Variants in CHN2 observed in about 807,000 individuals in gnomAD.
CHN2 encodes the protein chimerin 2.
In CHN2, 35 loss-of-function variants were observed where a neutral mutation model predicts 56.3. That is an observed-to-expected ratio of 0.62 (90% CI 0.47 to 0.82). The LOEUF (loss-of-function observed/expected upper bound fraction) is 0.82, where lower values mean the gene tolerates loss of function less well. Ranked by LOEUF, CHN2 falls within the 40% of genes least tolerant of loss-of-function variation. The pLI, the probability that CHN2 is intolerant of heterozygous loss-of-function variation, is 0.00. For missense variants in CHN2, 491 were observed against 580.5 expected (o/e 0.85, Z 1.58); for synonymous variants, 210 against 212.8 (o/e 0.99, Z 0.12).
At chr7:29,486,286 A>T (rs1787983677) in intron 7 of CHN2, among the ~76,000 whole-genome samples, 2 of 152,094 alleles carry the variant, frequency 1.3e-5, no homozygotes, top group Non-Finnish European at 2.9e-5. Flanking sequence ...GTATCTCCCT[A>T]CAGTTGAGCT....
chr7:29,195,111 G>A, intron 1 of CHN2, 121 bp downstream of exon 1: 1 of 1,069,188 alleles, frequency 9.4e-7, no homozygotes, highest in Non-Finnish European at 1.3e-6. Flanking sequence ...CGGAATGGGG[G>A]CAGGCGTCCG....
chr7:29,323,863 G>A (rs1202670761), intron 1 of CHN2, among the ~76,000 whole-genome samples: 2 of 151,918 alleles, frequency 1.3e-5, no homozygotes, highest in Non-Finnish European at 2.9e-5. Context: ...AAATAGCCGG[G>A]CGTGGTGGCA....
At chr7:29,154,334 C>G (rs1433285226) in intron 2 of CHN2, among the ~76,000 whole-genome samples, 3 of 152,190 alleles carry the variant, frequency 2.0e-5, no homozygotes, top group Non-Finnish European at 4.4e-5. Context: ...AGTGAATCAG[C>G]CTCTAGCATG....
At chr7:29,360,413 C>T (rs369794083) in intron 2 of CHN2, among the ~76,000 whole-genome samples, 4 of 152,036 alleles carry the variant, frequency 2.6e-5, no homozygotes, top group Non-Finnish European at 5.9e-5. Flanking sequence ...CCCAGCTTCT[C>T]GGGAGGCTGA....
intron 1 of CHN2, among the ~76,000 whole-genome samples, chr7:29,302,451 G>T (rs1793761634): frequency 6.7e-6 from 1 of 149,442 alleles, no homozygotes; most frequent in African/African-American, 2.5e-5. Context: ...AGCCTCCTGA[G>T]TAGCTAGGAG....
At chr7:29,338,092 A>G (rs564977305) in intron 1 of CHN2, among the ~76,000 whole-genome samples, 24 of 152,308 alleles carry the variant, frequency 1.6e-4, no homozygotes, top group African/African-American at 5.8e-4. Context: ...GGCTTAATAT[A>G]CTTACAGAGA....
intron 10 of CHN2, 88 bp from the exon 11 acceptor site, chr7:29,507,140 T>C: frequency 8.3e-7 from 1 of 1,199,236 alleles, no homozygotes; most frequent in Non-Finnish European, 1.1e-6. Context: ...GGAGCATTCA[T>C]CGCTGGATTT....
intron 10 of CHN2, among the ~76,000 whole-genome samples, chr7:29,506,069 T>TA (rs1257396270): frequency 2.6e-5 from 4 of 152,178 alleles, no homozygotes; most frequent in African/African-American, 9.7e-5. Flanking sequence ...CATTTTTATC[T>TA]AAAAAATGTC....
intron 2 of CHN2, among the ~76,000 whole-genome samples, chr7:29,154,867 AC>A (rs1794118332): frequency 6.6e-6 from 1 of 152,040 alleles, no homozygotes; most frequent in South Asian, 2.1e-4. Context: ...ATAAAGACAT[AC>A]TCGAGACTGG....
At chr7:29,261,048 G>A (rs1408278382) in intron 1 of CHN2, among the ~76,000 whole-genome samples, 1 of 152,152 alleles carries the variant, frequency 6.6e-6, no homozygotes, top group African/African-American at 2.4e-5. Flanking sequence ...AAACTCTGAA[G>A]GTGATAATGA....
chr7:29,245,708 T>A (rs550175411), intron 1 of CHN2, among the ~76,000 whole-genome samples: 9 of 152,296 alleles, frequency 5.9e-5, no homozygotes, highest in African/African-American at 2.2e-4. Flanking sequence ...CCTGAGCTAA[T>A]TACAGGACTG....
chr7:29,386,315 A>G (rs1476909105), intron 3 of CHN2, among the ~76,000 whole-genome samples: 5 of 152,190 alleles, frequency 3.3e-5, no homozygotes, highest in African/African-American at 7.2e-5. Flanking sequence ...TTGCCCCAGT[A>G]TCACCAGCAC....
At chr7:29,206,079 G>A (rs931047091) in intron 1 of CHN2, among the ~76,000 whole-genome samples, 6 of 151,734 alleles carry the variant, frequency 4.0e-5, no homozygotes, top group Non-Finnish European at 8.8e-5. Context: ...CTAAAATACC[G>A]GCTTCACAAG....
At chr7:29,201,158 C>G (rs1253646809) in intron 1 of CHN2, among the ~76,000 whole-genome samples, 4 of 152,168 alleles carry the variant, frequency 2.6e-5, no homozygotes, top group Non-Finnish European at 4.4e-5. Context: ...TTTTAATCTC[C>G]TAAGAAATAA....
At chr7:29,470,941 A>G (rs1293901618) in intron 6 of CHN2, among the ~76,000 whole-genome samples, 1 of 152,238 alleles carries the variant, frequency 6.6e-6, no homozygotes, top group African/African-American at 2.4e-5. Flanking sequence ...AGAAAAGCAA[A>G]TGAATATGGA....
intron 1 of CHN2, among the ~76,000 whole-genome samples, chr7:29,195,629 AGTGTGTGTGTGTGTGTGTGT>A (rs70980513): frequency 5.1e-4 from 60 of 117,540 alleles, no homozygotes; most frequent in Middle Eastern, 4.4e-3. Context: ...AGAGAGAGAG[AGTGTGTGTGTGTGTGTGTGT>A]GAGAGAGAGA....
intron 1 of CHN2, among the ~76,000 whole-genome samples, chr7:29,291,024 G>T (rs1792568085): frequency 2.0e-5 from 3 of 152,148 alleles, no homozygotes; most frequent in African/African-American, 7.2e-5. Context: ...TCTTCCCTGG[G>T]GGTGGGTTGT....
chr7:29,320,826 T>C (rs552337472), intron 1 of CHN2, among the ~76,000 whole-genome samples: 37 of 152,288 alleles, frequency 2.4e-4, no homozygotes, highest in Non-Finnish European at 4.0e-4. Flanking sequence ...TCTTCTCACA[T>C]GTTCTTTCTT....
rs562027264 is a variant in CHN2 at position 29,394,927 on chromosome 7, G to C, written c.176+1217G>C. ...ATATGAGAGTCTTGAGACTAAAGAA[G>C]TGTTTTCTTAACTACCAAAAGGAAC... On this transcript the variant is annotated intron_variant, in intron 4 of 12. Transcript: ENST00000222792. 4.4e-4 allele frequency among the ~76,000 whole-genome samples: 67 copies of C among 152,252 alleles called. No individual in the cohort carries two copies. In the South Asian group the frequency reaches 0.014, roughly 32 times the overall value.
Sources: allele counts gnomAD v4.1 joint callset (sites outside exome capture counted in the v4.1 genomes callset), GRCh38; gene constraint gnomAD v4.1.1; transcripts MANE v1.5; gene names NCBI Gene and HGNC (gene_info 2026-07-23, HGNC 2026-07-21).